The following TMEM245 variants were observed in gnomAD, a reference collection of about 807,000 sequenced individuals.
TMEM245 encodes the protein protein CG-2.
Under a neutral mutation model 101.2 loss-of-function variants are expected in TMEM245, and 69 were observed. The observed-to-expected ratio is 0.68, with a 90% confidence interval of 0.56 to 0.83. The LOEUF (loss-of-function observed/expected upper bound fraction) is 0.83, where lower values mean the gene tolerates loss of function less well. TMEM245 is among the 40% of genes least tolerant of loss of function. The probability of loss-of-function intolerance (pLI) is 0.00; values close to 1 mark genes in which losing one functional copy is unlikely to be tolerated. For synonymous variants in TMEM245, 537 were observed against 449.8 expected (o/e 1.19, Z -2.45); for missense variants, 1,075 against 1,092.8 (o/e 0.98, Z 0.23).
chr9:109,092,816 C>G (rs922025861), intron 4 of TMEM245, among the ~76,000 whole-genome samples: 5 of 152,140 alleles, frequency 3.3e-5, no homozygotes, highest in East Asian at 3.9e-4. Context: ...TATCTACCAG[C>G]TGGATTCCTC....
intron 1 of TMEM245, 83 bp downstream of exon 1, chr9:109,119,252 C>G (rs1187701350): frequency 3.7e-6 from 5 of 1,358,544 alleles, no homozygotes; most frequent in Non-Finnish European, 4.9e-6. Flanking sequence ...GTCGCCCCTG[C>G]ACCGGGAGGA....
At position 109,020,392 on chromosome 9, in the gene TMEM245, G is replaced by C. The variant is rs752782390; in HGVS notation, c.*68C>G. On this transcript the variant is annotated 3_prime_UTR_variant, in exon 18 of 18. Coordinates refer to ENST00000374586, the MANE Select transcript of TMEM245 (RefSeq NM_032012.4). Reference sequence around the variant, plus strand: ...CTAGGCACAGCTGGAAGGGCAGAGGGCCACAGCTGAGCTGAACTCGCTGTC... The same window carrying C: ...CTAGGCACAGCTGGAAGGGCAGAGGCCCACAGCTGAGCTGAACTCGCTGTC... The C allele has an allele frequency of 1.3e-6, 2 of 1,489,550 alleles. No homozygotes were observed. Among genetic ancestry groups the C allele is most frequent in the African/African-American group, 2.8e-5 (2 of 72,440 alleles). 92.3% of individuals were successfully genotyped at this position (1,489,550 alleles called of 1,614,324 possible).
chr9:109,050,879 A>G (rs1249588109), intron 12 of TMEM245, among the ~76,000 whole-genome samples, 187 bp from the exon 13 acceptor site: 1 of 151,972 alleles, frequency 6.6e-6, no homozygotes, highest in Non-Finnish European at 1.5e-5. Context: ...ACTCAATAGT[A>G]AAGAAAATAG....
intron 15 of TMEM245, among the ~76,000 whole-genome samples, chr9:109,037,659 C>T (rs1331824279): frequency 6.6e-6 from 1 of 152,170 alleles, no homozygotes; most frequent in Admixed American, 6.5e-5. Flanking sequence ...TTATAAGTTT[C>T]CTGAGGCCTC....
rs1396194070 is a variant in TMEM245, at chr9:109,015,430, TAAA to T, written c.*5027_*5029del. On this transcript the variant is annotated 3_prime_UTR_variant, in exon 18 of 18. Transcript: ENST00000374586. The stretch of plus-strand genomic sequence containing the variant: ...GTACTGGAAATACACTTCAGTTACC[TAAA>T]TAAGTGGCACTGCAAAGGGCAAAGA... The T allele has an allele frequency of 2.0e-5, 3 of 152,266 alleles. No homozygotes were observed. The allele number at this position is 152,266 out of a possible 1,614,324, so 9.4% of individuals were successfully genotyped here.
At chr9:109,110,136 A>C (rs932803107) in intron 1 of TMEM245, among the ~76,000 whole-genome samples, 1 of 152,208 alleles carries the variant, frequency 6.6e-6, no homozygotes, top group African/African-American at 2.4e-5. Context: ...CTGCTTCAAA[A>C]AGTCCAGTCT....
At chr9:109,087,668 T>G (rs1048842936) in intron 5 of TMEM245, among the ~76,000 whole-genome samples, 1 of 152,216 alleles carries the variant, frequency 6.6e-6, no homozygotes, top group African/African-American at 2.4e-5. Flanking sequence ...TTCTGGCCCC[T>G]TGCATATTCC....
intron 12 of TMEM245, among the ~76,000 whole-genome samples, chr9:109,052,168 C>G (rs1194926962): frequency 1.3e-5 from 2 of 152,208 alleles, no homozygotes; most frequent in African/African-American, 2.4e-5. Context: ...CCTAAGTGGA[C>G]TATCCTTCCT....
chr9:109,110,465 A>G (rs117770512), intron 1 of TMEM245, among the ~76,000 whole-genome samples: 5,245 of 152,238 alleles, frequency 0.034, 127 homozygotes, highest in Admixed American at 0.048. Context: ...AATCTTAAGG[A>G]GAAAGAAGCA....
chr9:109,037,709 A>G (rs1828174920), intron 15 of TMEM245, among the ~76,000 whole-genome samples: 1 of 152,204 alleles, frequency 6.6e-6, no homozygotes, highest in African/African-American at 2.4e-5. Context: ...TACAGCCTGC[A>G]GAACCGTGAG....
chr9:109,090,786 C>G (rs951370580), intron 5 of TMEM245, 136 bp downstream of exon 5: 3 of 708,766 alleles, frequency 4.2e-6, no homozygotes, highest in Non-Finnish European at 6.8e-6. Flanking sequence ...TGTTTGTTTA[C>G]TATTTAAATG....
intron 5 of TMEM245, among the ~76,000 whole-genome samples, chr9:109,088,153 T>G (rs1365115572): frequency 1.3e-5 from 2 of 152,204 alleles, no homozygotes; most frequent in African/African-American, 2.4e-5. Context: ...AGTACATAAT[T>G]TCCCTAACTC....
At chr9:109,097,697 C>A (rs1459492851) in intron 3 of TMEM245, among the ~76,000 whole-genome samples, 1 of 152,090 alleles carries the variant, frequency 6.6e-6, no homozygotes, top group Non-Finnish European at 1.5e-5. Context: ...GGCAGGTAGA[C>A]CACCTGAGGC....
intron 6 of TMEM245, among the ~76,000 whole-genome samples, chr9:109,086,293 G>A (rs538699821): frequency 7.9e-5 from 12 of 152,262 alleles, no homozygotes; most frequent in South Asian, 4.2e-4. Context: ...CTGCATGCTC[G>A]TAGGCTTAGT....
At chr9:109,104,160 T>G (rs1184297963) in intron 3 of TMEM245, among the ~76,000 whole-genome samples, 1 of 152,062 alleles carries the variant, frequency 6.6e-6, no homozygotes, top group East Asian at 1.9e-4. Context: ...AGTCAATAAT[T>G]TAACTGTATA....
At chr9:109,064,149 C>T (rs1829095589) in intron 10 of TMEM245, among the ~76,000 whole-genome samples, 1 of 152,190 alleles carries the variant, frequency 6.6e-6, no homozygotes, top group African/African-American at 2.4e-5. Flanking sequence ...CAGTTATCAG[C>T]AGACAATAAG....
chr9:109,093,709 G>C, intron 3 of TMEM245, 118 bp from the exon 4 acceptor site: 1 of 805,444 alleles, frequency 1.2e-6, no homozygotes, highest in Non-Finnish European at 2.1e-6. Context: ...CTGACCCACT[G>C]AATAAGTGGT....
At chr9:109,056,440 C>CAA (rs753175633) in intron 12 of TMEM245, among the ~76,000 whole-genome samples, 572 of 36,746 alleles carry the variant, frequency 0.016, 39 homozygotes, top group African/African-American at 0.032. Flanking sequence ...ACTAAAAATG[C>CAA]AAAAAAAAAA....
chr9:109,076,586 T>A (rs1176734998), intron 8 of TMEM245, among the ~76,000 whole-genome samples: 2 of 152,172 alleles, frequency 1.3e-5, no homozygotes, highest in African/African-American at 2.4e-5. Flanking sequence ...ACTAATGTTA[T>A]ATACACCCCT....
Sources: gnomAD v4.1 joint callset for allele counts (sites outside exome capture counted in the v4.1 genomes callset) on GRCh38, gnomAD v4.1.1 for gene constraint, MANE v1.5 for transcripts, NCBI Gene and HGNC (gene_info 2026-07-23, HGNC 2026-07-21) for gene names.